The following MALRD1 variants were observed in gnomAD, a reference collection of about 807,000 sequenced individuals.
The protein encoded by MALRD1 is MAM and LDL-receptor class A domain-containing protein 1.
In MALRD1, 247 loss-of-function variants were observed where a neutral mutation model predicts 242.1. That is an observed-to-expected ratio of 1.02 (90% confidence interval 0.92 to 1.13). The LOEUF (loss-of-function observed/expected upper bound fraction) is 1.13. Ranked by LOEUF, MALRD1 falls within the 50% of genes most tolerant of loss-of-function variation. MALRD1 has a pLI of 0.00. For missense variants in MALRD1, 2,989 were observed against 2,533.1 expected (o/e 1.18, Z -3.86); for synonymous variants, 995 against 866.6 (o/e 1.15, Z -2.60).
At chr10:19,661,396 C>A (rs1841424200) in intron 36 of MALRD1, among the ~76,000 whole-genome samples, 2 of 152,118 alleles carry the variant, frequency 1.3e-5, no homozygotes, top group South Asian at 4.1e-4. Context: ...AAATGTCCAA[C>A]AATGATAGAC....
intron 28 of MALRD1, among the ~76,000 whole-genome samples, chr10:19,420,722 T>C (rs1230759882): frequency 1.3e-5 from 2 of 152,140 alleles, no homozygotes; most frequent in Admixed American, 6.5e-5. Context: ...CAAAGCAATA[T>C]TGTAAAATTT....
In MALRD1 at chr10:19,406,028, G is replaced by T. The variant is rs1260351005; in HGVS notation, c.4845+16419G>T. On this transcript the variant is annotated intron_variant, in intron 28 of 39. Coordinates refer to ENST00000454679, the MANE Select transcript of MALRD1 (RefSeq NM_001142308.3). The stretch of plus-strand genomic sequence containing the variant: ...CTTGGATTTGAATGTCAACTCTGCC[G>T]CTTACTACTCATTATCTTGGGCAAA... 7.2e-5 allele frequency among the ~76,000 whole-genome samples: 11 copies of T among 152,108 alleles called. No individual in the cohort carries two copies. The East Asian group carries it at 1.7e-3, about 24-fold the overall frequency.
At position 19,381,599 on chromosome 10, in the gene MALRD1, G is replaced by C. The variant is rs915487329; in HGVS notation, c.4442-5929G>C. 3.3e-5 allele frequency among the ~76,000 whole-genome samples: 5 copies of C among 151,822 alleles called. No individual in the cohort carries two copies. The South Asian group carries it at 1.0e-3, about 32-fold the overall frequency. On this transcript the variant is annotated intron_variant, in intron 26 of 39. Coordinates refer to ENST00000454679, the MANE Select transcript of MALRD1 (RefSeq NM_001142308.3). The stretch of plus-strand genomic sequence containing the variant: ...TCCCAGCACAACGGGAGGCCAAGGT[G>C]GGTGGATCACTTGAGGTCAGGAGTT...
chr10:19,314,775 G>A (rs961695066), intron 21 of MALRD1, among the ~76,000 whole-genome samples: 2 of 151,284 alleles, frequency 1.3e-5, no homozygotes, highest in African/African-American at 4.8e-5. Flanking sequence ...AGACCATATA[G>A]CCTTCAAAGT....
At chr10:19,300,256 G>T (rs1036695657) in intron 21 of MALRD1, among the ~76,000 whole-genome samples, 1 of 151,910 alleles carries the variant, frequency 6.6e-6, no homozygotes, top group Non-Finnish European at 1.5e-5. Flanking sequence ...CATGCTCATG[G>T]ATAGGAAGAA....
intron 18 of MALRD1, among the ~76,000 whole-genome samples, chr10:19,227,693 T>A (rs1242249346): frequency 6.6e-6 from 1 of 152,074 alleles, no homozygotes; most frequent in Non-Finnish European, 1.5e-5. Context: ...GACAGAATAA[T>A]TTTAAATATG....
chr10:19,123,618 C>T (rs1837146709), intron 6 of MALRD1, 25 bp downstream of exon 6: 1 of 1,183,504 alleles, frequency 8.4e-7, no homozygotes, highest in African/African-American at 1.6e-5. Context: ...GAGATATTCA[C>T]TTTTCTGGTA....
chr10:19,049,643 T>G (rs1834426881), intron 1 of MALRD1, among the ~76,000 whole-genome samples: 1 of 152,164 alleles, frequency 6.6e-6, no homozygotes, highest in African/African-American at 2.4e-5. Flanking sequence ...TTCAGAGTAG[T>G]AGAAGGGCAC....
intron 10 of MALRD1, among the ~76,000 whole-genome samples, chr10:19,138,438 G>T (rs8181287): frequency 0.8 from 110,559 of 137,452 alleles, 43,257 homozygotes; most frequent in African/African-American, 0.93. Flanking sequence ...TTTTTTTTTT[G>T]GGGACAGAGT....
intron 34 of MALRD1, among the ~76,000 whole-genome samples, chr10:19,605,182 A>G (rs1300559593): frequency 6.7e-6 from 1 of 149,414 alleles, no homozygotes; most frequent in Non-Finnish European, 1.5e-5. Context: ...TTTTTACAGA[A>G]TCTTGCTCCA....
chr10:19,296,932 GTTTT>G (rs752477144), intron 21 of MALRD1, among the ~76,000 whole-genome samples: 1 of 151,730 alleles, frequency 6.6e-6, no homozygotes, highest in African/African-American at 2.4e-5. Flanking sequence ...TACTAATTAT[GTTTT>G]CTTCCTCAGA....
chr10:19,474,119 T>TTC (rs75900065), intron 29 of MALRD1, among the ~76,000 whole-genome samples: 1 of 151,890 alleles, frequency 6.6e-6, no homozygotes, highest in African/African-American at 2.4e-5. Flanking sequence ...TATTGGACAT[T>TTC]TGTGTATGTT....
At chr10:19,719,244 A>ATATATACG (rs1834623296) in intron 38 of MALRD1, among the ~76,000 whole-genome samples, 1 of 96,936 alleles carries the variant, frequency 1.0e-5, no homozygotes, top group Non-Finnish European at 1.9e-5. Flanking sequence ...ATATATATAT[A>ATATATACG]TATATATATA....
chr10:19,592,299 A>C (rs904557325), intron 33 of MALRD1, among the ~76,000 whole-genome samples: 7 of 152,228 alleles, frequency 4.6e-5, no homozygotes, highest in Admixed American at 2.6e-4. Context: ...TGCAGGTGCA[A>C]TAAGAGGCTC....
rs376268649 is a variant in MALRD1 at position 19,648,784 on chromosome 10, T to C, written c.6137+32861T>C. 5.8e-4 allele frequency among the ~76,000 whole-genome samples: 88 copies of C among 152,272 alleles called. 2 individuals carry two copies. The highest frequency in any genetic ancestry group is 2.0e-3 in the African/African-American group (83 of 41,564). The stretch of plus-strand genomic sequence containing the variant: ...AGTTTTGGGAGTAAATGTGAAAGTT[T>C]GTTATATAGGTAAATGTGTGTCATG... On this transcript the variant is annotated intron_variant, in intron 36 of 39. Coordinates refer to ENST00000454679, the MANE Select transcript of MALRD1 (RefSeq NM_001142308.3).
chr10:19,590,747 A>C (rs187005402), intron 33 of MALRD1, among the ~76,000 whole-genome samples: 151 of 152,120 alleles, frequency 9.9e-4, no homozygotes, highest in African/African-American at 3.6e-3. Flanking sequence ...TTTATATTCT[A>C]CAGCAGTTTT....
At chr10:19,425,684 C>T (rs1833878412) in intron 28 of MALRD1, among the ~76,000 whole-genome samples, 2 of 152,020 alleles carry the variant, frequency 1.3e-5, no homozygotes, top group Non-Finnish European at 2.9e-5. Context: ...ATGTTTAAAA[C>T]CGGAGAGGGA....
Position 19,708,169 on chromosome 10 carries a change from G to T in MALRD1, c.6314+15615G>T, listed in dbSNP as rs1219513767. Among the ~76,000 whole-genome samples, 51 of 120,424 alleles carry T rather than the reference G, an allele frequency of 4.2e-4. 14 individuals are homozygous for T. Among genetic ancestry groups the T allele is most frequent in the Non-Finnish European group, 7.9e-4 (42 of 52,856 alleles). 79.0% of individuals were successfully genotyped at this position (120,424 alleles called of 152,430 possible). ...GAGGAAAGCTTATTTGGGCAGTAGG[G>T]AAGGAAATAATGTTGATAATATATA... On this transcript the variant is annotated intron_variant, in intron 38 of 39. Transcript: ENST00000454679.
chr10:19,171,739 T>TG (rs1392660664), intron 13 of MALRD1, among the ~76,000 whole-genome samples: 3 of 121,644 alleles, frequency 2.5e-5, no homozygotes, highest in African/African-American at 6.0e-5. Flanking sequence ...CGTATATATA[T>TG]CATATAATAT....
Sources: gnomAD v4.1 joint callset for allele counts (sites outside exome capture counted in the v4.1 genomes callset) on GRCh38, gnomAD v4.1.1 for gene constraint, MANE v1.5 for transcripts, NCBI Gene and HGNC (gene_info 2026-07-23, HGNC 2026-07-21) for gene names.